GHR: variants seen among roughly 807,000 people sequenced by gnomAD.
GHR encodes growth hormone receptor, also known as GH receptor.
In GHR, 35 loss-of-function variants were observed where a neutral mutation model predicts 67.1. The ratio of observed to expected loss-of-function variants is 0.52; its 90% CI spans 0.40 to 0.69. GHR has a LOEUF of 0.69. GHR is among the 30% of genes least tolerant of loss of function. The pLI is 0.00. For synonymous variants in GHR, 272 were observed against 269.1 expected (o/e 1.01, Z -0.10); for missense variants, 792 against 764.6 (o/e 1.04, Z -0.42).
intron 2 of GHR, among the ~76,000 whole-genome samples, chr5:42,625,177 C>T (rs1439111041): frequency 2.0e-5 from 3 of 152,116 alleles, no homozygotes; most frequent in African/African-American, 7.2e-5. Context: ...ATTGGACTCA[C>T]CAGGCTCTGA....
chr5:42,608,522 C>T (rs918230960), intron 2 of GHR, among the ~76,000 whole-genome samples: 3 of 151,620 alleles, frequency 2.0e-5, no homozygotes, highest in Non-Finnish European at 2.9e-5. Flanking sequence ...AGATGAGTGT[C>T]GTTTAGTGAC....
intron 1 of GHR, among the ~76,000 whole-genome samples, chr5:42,490,255 C>G (rs1196171515): frequency 1.3e-5 from 2 of 152,208 alleles, no homozygotes; most frequent in African/African-American, 4.8e-5. Context: ...CACATTGACT[C>G]TTAGTAATGG....
At chr5:42,485,597 G>A (rs1745843892) in intron 1 of GHR, among the ~76,000 whole-genome samples, 1 of 152,202 alleles carries the variant, frequency 6.6e-6, no homozygotes, top group African/African-American at 2.4e-5. Flanking sequence ...GTTCTAGTGT[G>A]TTGCCTTCTC....
At chr5:42,532,214 T>C (rs1748003685) in intron 1 of GHR, among the ~76,000 whole-genome samples, 1 of 152,146 alleles carries the variant, frequency 6.6e-6, no homozygotes, top group African/African-American at 2.4e-5. Flanking sequence ...CCTTGAGCCA[T>C]GAGGGCAGCT....
intron 1 of GHR, among the ~76,000 whole-genome samples, chr5:42,449,597 C>T (rs964195306): frequency 6.6e-6 from 1 of 152,136 alleles, no homozygotes; most frequent in Non-Finnish European, 1.5e-5. Context: ...GACAGTTGGA[C>T]TTCCTCTTTT....
At chr5:42,484,910 T>C (rs1432022990) in intron 1 of GHR, among the ~76,000 whole-genome samples, 1 of 152,204 alleles carries the variant, frequency 6.6e-6, no homozygotes, top group Non-Finnish European at 1.5e-5. Flanking sequence ...GTAATATCCA[T>C]GTCAGGAGTA....
chr5:42,583,509 G>A (rs1215915995), intron 2 of GHR, among the ~76,000 whole-genome samples: 1 of 152,192 alleles, frequency 6.6e-6, no homozygotes, highest in Non-Finnish European at 1.5e-5. Context: ...GCAGGAAAGT[G>A]ACCAGTTTGA....
intron 4 of GHR, among the ~76,000 whole-genome samples, chr5:42,693,980 C>G (rs1292313841): frequency 2.6e-5 from 4 of 152,182 alleles, no homozygotes; most frequent in Admixed American, 1.3e-4. Flanking sequence ...CATTACCACA[C>G]TCATGCCCAT....
chr5:42,699,396 C>CA (rs1222834854), intron 5 of GHR, among the ~76,000 whole-genome samples: 2 of 151,956 alleles, frequency 1.3e-5, no homozygotes, highest in African/African-American at 4.8e-5. Flanking sequence ...TACATAGTTG[C>CA]AAGAAAAAAG....
At chr5:42,652,349 C>T (rs1290785469) in intron 3 of GHR, among the ~76,000 whole-genome samples, 3 of 151,984 alleles carry the variant, frequency 2.0e-5, no homozygotes, top group African/African-American at 7.3e-5. Context: ...CAGATAGATG[C>T]TTAATTTGAA....
chr5:42,584,816 C>T (rs1171343794), intron 2 of GHR, among the ~76,000 whole-genome samples: 50 of 151,624 alleles, frequency 3.3e-4, no homozygotes, highest in African/African-American at 2.4e-5. Flanking sequence ...CACACACACA[C>T]GTGCATGTAC....
At chr5:42,569,455 A>G (rs1750147427) in intron 2 of GHR, among the ~76,000 whole-genome samples, 1 of 152,162 alleles carries the variant, frequency 6.6e-6, no homozygotes, top group Non-Finnish European at 1.5e-5. Flanking sequence ...GGCATTATGG[A>G]AAAGGCAAGA....
chr5:42,609,345 A>C (rs557938541), intron 2 of GHR, among the ~76,000 whole-genome samples: 1 of 152,300 alleles, frequency 6.6e-6, no homozygotes, highest in South Asian at 2.1e-4. Flanking sequence ...GTAATGGCCA[A>C]CTTCCTGGGG....
chr5:42,614,373 C>A (rs1753035900), intron 2 of GHR, among the ~76,000 whole-genome samples: 2 of 151,758 alleles, frequency 1.3e-5, no homozygotes, highest in African/African-American at 4.8e-5. Context: ...GGAAAACCAC[C>A]TAGAGAAGTG....
chr5:42,557,490 C>T lies in GHR; in HGVS notation c.-11-8374C>T, dbSNP rs540503653. 4.6e-5 allele frequency among the ~76,000 whole-genome samples: 7 copies of T among 152,262 alleles called. No homozygotes were observed. In the South Asian group the frequency reaches 1.2e-3, roughly 27 times the overall value. On this transcript the variant is annotated intron_variant, in intron 1 of 9. Coordinates refer to ENST00000230882, the MANE Select transcript of GHR (RefSeq NM_000163.5). ...AGACTTCAGTAAGTGTAATAACTAA[C>T]CCTTTTGGATACATGCAGAGGGAAT...
At chr5:42,538,930 A>G (rs1346420572) in intron 1 of GHR, among the ~76,000 whole-genome samples, 1 of 151,938 alleles carries the variant, frequency 6.6e-6, no homozygotes, top group Non-Finnish European at 1.5e-5. Flanking sequence ...CTTGTCTTCA[A>G]GTTCTGCATT....
intron 1 of GHR, among the ~76,000 whole-genome samples, chr5:42,437,341 A>G (rs1319429472): frequency 1.3e-5 from 2 of 152,166 alleles, no homozygotes; most frequent in Admixed American, 6.5e-5. Context: ...TACAGGCACA[A>G]TCTGTGAATG....
chr5:42,644,954 G>T (rs940342987), intron 3 of GHR, among the ~76,000 whole-genome samples: 2 of 152,066 alleles, frequency 1.3e-5, no homozygotes, highest in African/African-American at 2.4e-5. Flanking sequence ...TGAAGTATAT[G>T]TCTATCTCAT....
chr5:42,432,835 A>G (rs1457626196), intron 1 of GHR, among the ~76,000 whole-genome samples: 1 of 152,258 alleles, frequency 6.6e-6, no homozygotes, highest in Non-Finnish European at 1.5e-5. Flanking sequence ...TATTTCCCAT[A>G]GAGACATTGG....
Sources: allele counts gnomAD v4.1 joint callset (sites outside exome capture counted in the v4.1 genomes callset), GRCh38; gene constraint gnomAD v4.1.1; transcripts MANE v1.5; gene names NCBI Gene and HGNC (gene_info 2026-07-23, HGNC 2026-07-21).